Variants in ZNF804A observed in about 807,000 individuals in gnomAD.
ZNF804A encodes the protein zinc finger protein 804A.
Under a neutral mutation model 16.5 loss-of-function variants are expected in ZNF804A, and 2 were observed. That is an observed-to-expected ratio of 0.12 (90% CI 0.05 to 0.38). The LOEUF is 0.38. Among genes scored for constraint, ZNF804A ranks in the 10% least tolerant of loss-of-function variants. The pLI is 0.99. For synonymous variants in ZNF804A, 534 were observed against 489.6 expected (o/e 1.09, Z -1.20); for missense variants, 1,473 against 1,390.7 (o/e 1.06, Z -0.94).
intron 1 of ZNF804A, among the ~76,000 whole-genome samples, chr2:184,846,221 G>T (rs1420711613): frequency 1.3e-5 from 2 of 152,000 alleles, no homozygotes; most frequent in Non-Finnish European, 2.9e-5. Context: ...GCCACTTAAG[G>T]TATTTGTCTC....
chr2:184,804,328 C>A (rs1216617058), intron 1 of ZNF804A, among the ~76,000 whole-genome samples: 3 of 152,068 alleles, frequency 2.0e-5, no homozygotes, highest in Non-Finnish European at 4.4e-5. Flanking sequence ...TTTGAAGAGG[C>A]CACTATTAAA....
chr2:184,829,025 G>A (rs1364181308), intron 1 of ZNF804A, among the ~76,000 whole-genome samples: 1 of 151,566 alleles, frequency 6.6e-6, no homozygotes, highest in Non-Finnish European at 1.5e-5. Context: ...TTTATAAGGA[G>A]ATAATTGAAT....
chr2:184,609,170 A>G (rs954476500), intron 1 of ZNF804A, among the ~76,000 whole-genome samples: 6 of 152,196 alleles, frequency 3.9e-5, no homozygotes, highest in Admixed American at 3.9e-4. Context: ...TGTGGTGAAC[A>G]ATGTCACTGG....
In ZNF804A at chr2:184,926,243, G is replaced by A. The variant is rs1574273745; in HGVS notation, c.256-7360G>A. 3.3e-5 allele frequency among the ~76,000 whole-genome samples: 5 copies of A among 151,346 alleles called. 1 individual carries two copies. Among genetic ancestry groups the A allele is most frequent in the Admixed American group, 3.3e-4 (5 of 15,178 alleles). Reference sequence around the variant, plus strand: ...GGGAAAGTTGCTATTTCTCCTACCTGTTTGAAGGATATTTTAAGCAGGTTT... The same window carrying A: ...GGGAAAGTTGCTATTTCTCCTACCTATTTGAAGGATATTTTAAGCAGGTTT... On this transcript the variant is annotated intron_variant, in intron 2 of 3. Transcript: ENST00000302277.
At chr2:184,705,281 C>T (rs375718869) in intron 1 of ZNF804A, among the ~76,000 whole-genome samples, 20 of 151,964 alleles carry the variant, frequency 1.3e-4, no homozygotes, top group Non-Finnish European at 2.5e-4. Context: ...ACTTTATTGA[C>T]GTAGTGGTAT....
chr2:184,667,797 T>A (rs986359454), intron 1 of ZNF804A, among the ~76,000 whole-genome samples: 1 of 151,878 alleles, frequency 6.6e-6, no homozygotes, highest in Non-Finnish European at 1.5e-5. Flanking sequence ...CTTGTGAGAA[T>A]TAAAATAAAT....
At chr2:184,900,669 T>C (rs777463927) in intron 2 of ZNF804A, among the ~76,000 whole-genome samples, 1 of 152,054 alleles carries the variant, frequency 6.6e-6, no homozygotes, top group Non-Finnish European at 1.5e-5. Context: ...GAAGAATCTA[T>C]ATATAGGGCA....
chr2:184,667,910 G>C (rs1267832497), intron 1 of ZNF804A, among the ~76,000 whole-genome samples: 1 of 151,664 alleles, frequency 6.6e-6, no homozygotes, highest in African/African-American at 2.4e-5. Context: ...AAATTATTAA[G>C]TCTATTTCAA....
At chr2:184,783,943 C>A (rs150499354) in intron 1 of ZNF804A, among the ~76,000 whole-genome samples, 1 of 151,962 alleles carries the variant, frequency 6.6e-6, no homozygotes, top group South Asian at 2.1e-4. Context: ...AAGACAATCA[C>A]CACATTTAGA....
chr2:184,803,753 T>C (rs909225244), intron 1 of ZNF804A, among the ~76,000 whole-genome samples: 7 of 152,186 alleles, frequency 4.6e-5, no homozygotes, highest in Non-Finnish European at 7.3e-5. Flanking sequence ...TCTTCTAGCT[T>C]CTGATGGCCC....
At chr2:184,717,171 T>C (rs1287331029) in intron 1 of ZNF804A, among the ~76,000 whole-genome samples, 1 of 152,190 alleles carries the variant, frequency 6.6e-6, no homozygotes, top group Non-Finnish European at 1.5e-5. Context: ...TATTTATAAA[T>C]TACTATGCTT....
chr2:184,705,584 A>G (rs1693013419), intron 1 of ZNF804A, among the ~76,000 whole-genome samples: 2 of 152,172 alleles, frequency 1.3e-5, no homozygotes, highest in South Asian at 4.1e-4. Flanking sequence ...TTAGGAGATG[A>G]CAGTTCTCTG....
At chr2:184,809,003 A>G (rs1250374748) in intron 1 of ZNF804A, among the ~76,000 whole-genome samples, 2 of 151,950 alleles carry the variant, frequency 1.3e-5, no homozygotes, top group Non-Finnish European at 3.0e-5. Flanking sequence ...TTATAAATCC[A>G]GTCTCAATGC....
At chr2:184,793,792 G>A (rs1429581681) in intron 1 of ZNF804A, among the ~76,000 whole-genome samples, 1 of 152,034 alleles carries the variant, frequency 6.6e-6, no homozygotes, top group African/African-American at 2.4e-5. Flanking sequence ...TCATAGCTGA[G>A]CTCCCACTTA....
chr2:184,916,729 T>A (rs150839204), intron 2 of ZNF804A, among the ~76,000 whole-genome samples: 1 of 151,960 alleles, frequency 6.6e-6, no homozygotes, highest in African/African-American at 2.4e-5. Context: ...GTGCCTATAG[T>A]CACAGCTACT....
intron 1 of ZNF804A, among the ~76,000 whole-genome samples, chr2:184,796,061 T>G (rs1011803352): frequency 5.9e-5 from 9 of 152,146 alleles, no homozygotes; most frequent in African/African-American, 2.2e-4. Flanking sequence ...ATCCCTGGTA[T>G]GAAACCCACT....
chr2:184,823,109 T>C (rs1473660496), intron 1 of ZNF804A, among the ~76,000 whole-genome samples: 2 of 152,086 alleles, frequency 1.3e-5, no homozygotes, highest in African/African-American at 4.8e-5. Flanking sequence ...AAGATCAAAC[T>C]CTAGCAGGTT....
intron 2 of ZNF804A, among the ~76,000 whole-genome samples, chr2:184,885,892 T>C (rs963589122): frequency 2.6e-5 from 4 of 152,116 alleles, no homozygotes; most frequent in African/African-American, 9.7e-5. Flanking sequence ...GAGATTTGGG[T>C]GGGACACAGC....
intron 1 of ZNF804A, among the ~76,000 whole-genome samples, chr2:184,739,803 A>C (rs967214447): frequency 6.6e-6 from 1 of 152,204 alleles, no homozygotes; most frequent in African/African-American, 2.4e-5. Flanking sequence ...TTCAGATCTT[A>C]CATGTTTTAG....
Sources: allele counts gnomAD v4.1 joint callset (sites outside exome capture counted in the v4.1 genomes callset), GRCh38; gene constraint gnomAD v4.1.1; transcripts MANE v1.5; gene names NCBI Gene and HGNC (gene_info 2026-07-23, HGNC 2026-07-21).